The following AKAP10 variants were observed in gnomAD, a reference collection of about 807,000 sequenced individuals.
AKAP10 encodes the protein A-kinase anchoring protein 10.
In AKAP10, 24 loss-of-function variants were observed where a neutral mutation model predicts 80.8. That is an observed-to-expected ratio of 0.30 (90% CI 0.22 to 0.42). The LOEUF (loss-of-function observed/expected upper bound fraction) is 0.42. AKAP10 is among the 10% of genes least tolerant of loss of function. The pLI is 1.00. For synonymous variants in AKAP10, 291 were observed against 277.7 expected, an observed-to-expected ratio of 1.05 and a Z score of -0.48; for missense variants, 661 against 794.9, an observed-to-expected ratio of 0.83 and a Z score of 2.03.
intron 12 of AKAP10, among the ~76,000 whole-genome samples, chr17:19,910,224 G>A (rs2042674160): frequency 6.6e-6 from 1 of 150,702 alleles, no homozygotes; most frequent in African/African-American, 2.4e-5. Context: ...CTACTCAGGA[G>A]GCTGAGGCAG....
At position 19,906,123 on chromosome 17, in the gene AKAP10, C is replaced by T; in HGVS notation, c.*104G>A. On this transcript the variant is annotated 3_prime_UTR_variant, in exon 15 of 15. Coordinates refer to ENST00000225737, the MANE Select transcript of AKAP10 (RefSeq NM_007202.4). Reference sequence around the variant, plus strand: ...TCTCCTGGAAACAACAGTGACAGATCAGAAATATAGTGCTGTTTTCATTGG... The same window carrying T: ...TCTCCTGGAAACAACAGTGACAGATTAGAAATATAGTGCTGTTTTCATTGG... The T allele has an allele frequency of 1.6e-6, 2 of 1,275,642 alleles. No individual in the cohort carries two copies. The highest frequency in any genetic ancestry group is 2.2e-6 in the Non-Finnish European group (2 of 894,220). The allele number at this position is 1,275,642 out of a possible 1,614,324, so 79.0% of individuals were successfully genotyped here. A position where few individuals can be genotyped will look rare whatever the true frequency, so the allele number is the denominator to read the frequency against.
In AKAP10 at chr17:19,977,605, G is replaced by A. The variant is rs1338589727; in HGVS notation, c.75C>T (p.Phe25=). The change falls in exon 1 of 15, where the codon TTC becomes TTT. Residue 25 remains phenylalanine (F), a synonymous_variant. Transcript: ENST00000225737. ...LRPDPGPAMS[F]FRRKVKGKEQ... Reference sequence around the variant, plus strand: ...CCCCTCAGCTACCTTTCCGCCGGAAGAAGGACATGGCGGGGCCCGGGTCGG... The same window carrying A: ...CCCCTCAGCTACCTTTCCGCCGGAAAAAGGACATGGCGGGGCCCGGGTCGG... 15 of 1,234,796 alleles carry A rather than the reference G, an allele frequency of 1.2e-5. No homozygotes were observed. Among genetic ancestry groups the A allele is most frequent in the Non-Finnish European group, 1.5e-5 (15 of 988,004 alleles). The allele number at this position is 1,234,796 out of a possible 1,614,324, so 76.5% of individuals were successfully genotyped here.
intron 1 of AKAP10, among the ~76,000 whole-genome samples, chr17:19,972,982 C>G (rs1215615046): frequency 6.6e-6 from 1 of 151,772 alleles, no homozygotes. Flanking sequence ...AAATACAACC[C>G]ACTACCTTTT....
intron 5 of AKAP10, among the ~76,000 whole-genome samples, chr17:19,946,237 T>TATATATA (rs1491288818): frequency 3.3e-4 from 5 of 15,182 alleles, no homozygotes; most frequent in Non-Finnish European, 5.1e-4. Flanking sequence ...TATATATATA[T>TATATATA]TATATATATA....
intron 12 of AKAP10, among the ~76,000 whole-genome samples, chr17:19,911,629 A>G (rs2042690619): frequency 6.6e-6 from 1 of 151,838 alleles, no homozygotes; most frequent in African/African-American, 2.4e-5. Context: ...ACCTGAGGTC[A>G]GGAGTTCGAG....
chr17:19,905,235 A>T lies in AKAP10; in HGVS notation c.*992T>A, dbSNP rs1174384550. 2.0e-5 allele frequency: 3 copies of T among 152,068 alleles called. No individual in the cohort carries two copies. The highest frequency in any genetic ancestry group is 1.3e-4 in the Admixed American group (2 of 15,246). The allele number at this position is 152,068 out of a possible 1,614,324, so 9.4% of individuals were successfully genotyped here. A position where few individuals can be genotyped will look rare whatever the true frequency, so the allele number is the denominator to read the frequency against. On this transcript the variant is annotated 3_prime_UTR_variant, in exon 15 of 15. Transcript: ENST00000225737. The stretch of plus-strand genomic sequence containing the variant: ...GTGAGTGAGTCTCTTACTATCCTAA[A>T]GAAAGGAGAAGAAAGACGACCAACT...
chr17:19,919,290 G>GTA (rs2042784938), intron 12 of AKAP10, among the ~76,000 whole-genome samples: 1 of 152,052 alleles, frequency 6.6e-6, no homozygotes, highest in South Asian at 2.1e-4. Flanking sequence ...TATCCATGGT[G>GTA]TATATGTGCC....
intron 8 of AKAP10, among the ~76,000 whole-genome samples, chr17:19,938,238 T>G (rs1432492217): frequency 6.5e-4 from 5 of 7,750 alleles, no homozygotes; most frequent in African/African-American, 2.8e-3. Context: ...TGAAAACCTA[T>G]TTTTTTTTTT....
chr17:19,975,526 C>A (rs74731831), intron 1 of AKAP10, among the ~76,000 whole-genome samples: 2 of 152,172 alleles, frequency 1.3e-5, no homozygotes, highest in Non-Finnish European at 1.5e-5. Context: ...TTCAAGGTCA[C>A]CTGCTGAGTC....
chr17:19,944,496 A>C (rs548210853), intron 5 of AKAP10, among the ~76,000 whole-genome samples: 3 of 149,770 alleles, frequency 2.0e-5, no homozygotes, highest in Non-Finnish European at 4.5e-5. Flanking sequence ...CTAAAATACA[A>C]AAAAAAAAAT....
intron 2 of AKAP10, among the ~76,000 whole-genome samples, chr17:19,967,335 GTTCA>G (rs2152419063): frequency 1.3e-5 from 2 of 152,122 alleles, no homozygotes; most frequent in East Asian, 3.9e-4. Context: ...AATTAAGGTT[GTTCA>G]TTCAAATAAA....
chr17:19,923,444 G>A (rs546671758), intron 11 of AKAP10, among the ~76,000 whole-genome samples: 1 of 152,112 alleles, frequency 6.6e-6, no homozygotes, highest in South Asian at 2.1e-4. Flanking sequence ...TGAAAAAGCT[G>A]GCTTTCCAAA....
chr17:19,913,981 C>A (rs1403186781), intron 12 of AKAP10, among the ~76,000 whole-genome samples: 1 of 152,108 alleles, frequency 6.6e-6, no homozygotes, highest in African/African-American at 2.4e-5. Flanking sequence ...AGGTAATATT[C>A]TAGTCATGAA....
chr17:19,946,268 TATATATA>T (rs1332240357), intron 5 of AKAP10, among the ~76,000 whole-genome samples: 13 of 31,704 alleles, frequency 4.1e-4, no homozygotes, highest in African/African-American at 1.5e-3. Context: ...TATATATATA[TATATATA>T]TTTTTTTTTT....
chr17:19,946,049 A>ATATATATATATATTTTTTTTTTTTTTT (rs1567764873), intron 5 of AKAP10, among the ~76,000 whole-genome samples: 8 of 145,416 alleles, frequency 5.5e-5, no homozygotes, highest in African/African-American at 2.0e-4. Flanking sequence ...TAATGAAAAC[A>ATATATATATATATTTTTTTTTTTTTTT]TTTTTCTGAA....
intron 4 of AKAP10, among the ~76,000 whole-genome samples, chr17:19,952,828 T>C (rs114465962): frequency 1.3e-5 from 2 of 152,018 alleles, no homozygotes; most frequent in Non-Finnish European, 2.9e-5. Context: ...AAAATTGTAG[T>C]TGGAAAGTTC....
chr17:19,946,269 A>ATAT (rs2043126304), intron 5 of AKAP10, among the ~76,000 whole-genome samples: 1 of 26,030 alleles, frequency 3.8e-5, no homozygotes, highest in South Asian at 1.3e-3. Context: ...ATATATATAT[A>ATAT]TATATATTTT....
chr17:19,938,937 G>A (rs540851634), intron 8 of AKAP10, among the ~76,000 whole-genome samples: 155 of 152,132 alleles, frequency 1.0e-3, no homozygotes, highest in Non-Finnish European at 8.8e-4. Context: ...TTGCCATGTT[G>A]CCCAGGCTGG....
intron 8 of AKAP10, among the ~76,000 whole-genome samples, chr17:19,937,538 T>A (rs1246344502): frequency 6.6e-6 from 1 of 152,102 alleles, no homozygotes; most frequent in Admixed American, 6.6e-5. Flanking sequence ...AAAACTCTCC[T>A]TTTAAATCAG....
Sources: allele counts gnomAD v4.1 joint callset (sites outside exome capture counted in the v4.1 genomes callset), GRCh38; gene constraint gnomAD v4.1.1; transcripts MANE v1.5; gene names NCBI Gene and HGNC (gene_info 2026-07-23, HGNC 2026-07-21).